Variants in RASGEF1B observed in about 807,000 individuals in gnomAD.
The protein encoded by RASGEF1B is ras-GEF domain-containing family member 1B.
RASGEF1B carries 30 observed loss-of-function variants against 65.7 expected under a neutral mutation model. The observed-to-expected ratio is 0.46, with a 90% CI of 0.34 to 0.62. The LOEUF is 0.62. Among genes scored for constraint, RASGEF1B ranks in the 20% least tolerant of loss-of-function variants. RASGEF1B has a pLI of 0.01. For synonymous variants in RASGEF1B, 175 were observed against 194.8 expected, an observed-to-expected ratio of 0.90 and a Z score of 0.85; for missense variants, 495 against 580.1, an observed-to-expected ratio of 0.85 and a Z score of 1.51.
At chr4:81,438,253 G>A (rs1721713237) in intron 10 of RASGEF1B, among the ~76,000 whole-genome samples, 1 of 152,238 alleles carries the variant, frequency 6.6e-6, no homozygotes, top group Non-Finnish European at 1.5e-5. Flanking sequence ...GGGCTGCTGT[G>A]TGGAAGACAC....
At chr4:81,430,462 G>A (rs891005212) in intron 13 of RASGEF1B, among the ~76,000 whole-genome samples, 5 of 152,214 alleles carry the variant, frequency 3.3e-5, no homozygotes, top group African/African-American at 1.2e-4. Context: ...GCCACCTATA[G>A]ATGGCAAAAT....
chr4:81,442,276 C>G, intron 9 of RASGEF1B, 21 bp downstream of exon 9: 1 of 1,561,126 alleles, frequency 6.4e-7, no homozygotes, highest in Non-Finnish European at 8.8e-7. Context: ...TACTTAACAG[C>G]AAAACATCAG....
At chr4:81,437,805 C>T (rs1721684075) in intron 10 of RASGEF1B, among the ~76,000 whole-genome samples, 1 of 152,188 alleles carries the variant, frequency 6.6e-6, no homozygotes, top group Non-Finnish European at 1.5e-5. Context: ...TTCAACTTCT[C>T]ATTTATTCAT....
rs1348562336 is a variant in RASGEF1B at position 81,456,687 on chromosome 4, T to G, written c.402A>C (p.Leu134Phe). The G allele has an allele frequency of 6.2e-7, 1 of 1,614,214 alleles. No individual in the cohort carries two copies. The highest frequency in any genetic ancestry group is 1.1e-5 in the South Asian group (1 of 91,088). ...DFRDERMMRN[L>F]KDLAHRIASG... ...TGGCTATTCGGTGAGCCAGATCTTT[T>G]AAGTTTCTCATCATTCTTTCATCCC... is the stretch of plus-strand genomic sequence containing the variant. The change falls in exon 4 of 14, where the codon TTA becomes TTC. Residue 134 changes from leucine (L) to phenylalanine (F), a missense_variant. Physicochemically the swap from Leu to Phe is conservative, Grantham distance 22 (BLOSUM62 0). Coordinates refer to ENST00000264400, the MANE Select transcript of RASGEF1B (RefSeq NM_152545.3).
At position 81,439,127 on chromosome 4, in the gene RASGEF1B, G is replaced by T. The variant is rs1217199176; in HGVS notation, c.1104+1707C>A. On this transcript the variant is annotated intron_variant, in intron 10 of 13. Coordinates refer to ENST00000264400, the MANE Select transcript of RASGEF1B (RefSeq NM_152545.3). Reference sequence around the variant, plus strand: ...AGGAATGGGATTGCTGGGTCAAATGGTATTTCTGGTTCTAGATCCTTGACG... The same window carrying T: ...AGGAATGGGATTGCTGGGTCAAATGTTATTTCTGGTTCTAGATCCTTGACG... Among the ~76,000 whole-genome samples, 3 of 152,082 alleles carry T rather than the reference G, an allele frequency of 2.0e-5. No homozygotes were observed. The East Asian group carries it at 5.8e-4, about 29-fold the overall frequency.
rs1721981227 is a variant in RASGEF1B, at chr4:81,445,417, T to TA, written c.928+108dup. ...TGGGCATTCTCAAATAACTCTGGAT[T>TA]AAAAAATACAGTCTGTACTAACAAA... On this transcript the variant is annotated intron_variant, in intron 8 of 13. Coordinates refer to ENST00000264400, the MANE Select transcript of RASGEF1B (RefSeq NM_152545.3). 15 of 776,470 alleles carry TA rather than the reference T, an allele frequency of 1.9e-5. No individual in the cohort carries two copies. In the South Asian group the frequency reaches 2.4e-4, roughly 12 times the overall value. 48.1% of individuals were successfully genotyped at this position (776,470 alleles called of 1,614,324 possible).
At chr4:81,466,772 AAGAAAGAAAGAAAG>A (rs1263533798) in intron 1 of RASGEF1B, among the ~76,000 whole-genome samples, 1 of 113,440 alleles carries the variant, frequency 8.8e-6, no homozygotes, top group Non-Finnish European at 1.8e-5. Flanking sequence ...AAAAAAAAAA[AAGAAAGAAAGAAAG>A]AAAGAAAGAA....
intron 13 of RASGEF1B, among the ~76,000 whole-genome samples, chr4:81,428,719 T>A (rs1042367074): frequency 2.7e-4 from 41 of 152,296 alleles, no homozygotes; most frequent in African/African-American, 9.1e-4. Flanking sequence ...TGTTATTGAA[T>A]CAGTAAGACT....
intron 13 of RASGEF1B, among the ~76,000 whole-genome samples, chr4:81,431,790 T>C (rs115186889): frequency 6.6e-6 from 1 of 152,334 alleles, no homozygotes; most frequent in Non-Finnish European, 1.5e-5. Context: ...TCTTCAAACA[T>C]ACTCATAGGA....
chr4:81,457,657 C>T, intron 2 of RASGEF1B, 36 bp from the exon 3 acceptor site: 2 of 1,607,620 alleles, frequency 1.2e-6, no homozygotes, highest in Non-Finnish European at 1.7e-6. Context: ...TCGTTACATT[C>T]TCTCTGAAAT....
intron 10 of RASGEF1B, among the ~76,000 whole-genome samples, chr4:81,440,209 G>T (rs2109973338): frequency 6.6e-6 from 1 of 152,238 alleles, no homozygotes; most frequent in South Asian, 2.1e-4. Flanking sequence ...CCTCTGTAAA[G>T]AAATATGACA....
intron 13 of RASGEF1B, among the ~76,000 whole-genome samples, chr4:81,430,246 A>T (rs765611028): frequency 1.3e-4 from 20 of 152,196 alleles, no homozygotes; most frequent in Non-Finnish European, 2.5e-4. Flanking sequence ...GCCTGCAGTG[A>T]GCCGAGATCC....
intron 8 of RASGEF1B, among the ~76,000 whole-genome samples, chr4:81,444,118 T>C (rs1721939973): frequency 6.6e-6 from 1 of 151,914 alleles, no homozygotes; most frequent in African/African-American, 2.4e-5. Flanking sequence ...CTTTTGGCCT[T>C]TTTTTTTACT....
intron 1 of RASGEF1B, among the ~76,000 whole-genome samples, chr4:81,466,267 T>A (rs1182572377): frequency 6.6e-6 from 1 of 152,158 alleles, no homozygotes; most frequent in Non-Finnish European, 1.5e-5. Flanking sequence ...GCTGCATAGA[T>A]CTGAATTAAG....
rs1381551827 is a variant in RASGEF1B at position 81,444,799 on chromosome 4, G to A, written c.928+727C>T. On this transcript the variant is annotated intron_variant, in intron 8 of 13. Transcript: ENST00000264400. Reference sequence around the variant, plus strand: ...ATCCACCCGCCTTGCCTCCCAAAGTGCTGGGATTACAGGCGTGAGCCACTG... The same window carrying A: ...ATCCACCCGCCTTGCCTCCCAAAGTACTGGGATTACAGGCGTGAGCCACTG... 2.0e-5 allele frequency among the ~76,000 whole-genome samples: 3 copies of A among 152,208 alleles called. No individual in the cohort carries two copies. In the East Asian group the frequency reaches 5.8e-4, roughly 29 times the overall value.
chr4:81,469,626 T>C (rs903086203), intron 1 of RASGEF1B, among the ~76,000 whole-genome samples: 5 of 149,440 alleles, frequency 3.3e-5, no homozygotes, highest in African/African-American at 1.2e-4. Flanking sequence ...TAAATACATA[T>C]GTATATATGT....
chr4:81,468,312 G>A (rs911160637), intron 1 of RASGEF1B, among the ~76,000 whole-genome samples: 1 of 152,106 alleles, frequency 6.6e-6, no homozygotes, highest in Non-Finnish European at 1.5e-5. Context: ...TTCCAGCTGT[G>A]AGTTTTTGAA....
chr4:81,429,889 A>T (rs1445194946), intron 13 of RASGEF1B, among the ~76,000 whole-genome samples: 3 of 152,220 alleles, frequency 2.0e-5, no homozygotes, highest in Non-Finnish European at 4.4e-5. Flanking sequence ...CTGGCAGGCC[A>T]CTTACTGGCG....
At chr4:81,444,649 G>A (rs867422755) in intron 8 of RASGEF1B, among the ~76,000 whole-genome samples, 12 of 152,224 alleles carry the variant, frequency 7.9e-5, no homozygotes, top group South Asian at 4.2e-4. Flanking sequence ...CGATTCTCTT[G>A]CCTCAGCCTC....
Sources: gnomAD v4.1 joint callset for allele counts (sites outside exome capture counted in the v4.1 genomes callset) on GRCh38, gnomAD v4.1.1 for gene constraint, MANE v1.5 for transcripts, NCBI Gene and HGNC (gene_info 2026-07-23, HGNC 2026-07-21) for gene names.